HNRNPA2B1: variants seen among roughly 807,000 people sequenced by gnomAD.
HNRNPA2B1 encodes the protein heterogeneous nuclear ribonucleoprotein A2/B1, also known as heterogeneous nuclear ribonucleoproteins A2/B1.
HNRNPA2B1 carries 3 observed loss-of-function variants against 46.3 expected under a neutral mutation model. That is an observed-to-expected ratio of 0.06 (90% CI 0.03 to 0.17). The LOEUF (loss-of-function observed/expected upper bound fraction) is 0.17, where lower values mean the gene tolerates loss of function less well. HNRNPA2B1 is among the 10% of genes least tolerant of loss of function. The pLI is 1.00. For missense variants in HNRNPA2B1, 221 were observed against 418.9 expected, an observed-to-expected ratio of 0.53 and a Z score of 4.12; for synonymous variants, 225 against 133.8, an observed-to-expected ratio of 1.68 and a Z score of -4.70.
intron 1 of HNRNPA2B1, chr7:26,197,983 C>A: frequency 1.8e-6 from 1 of 560,274 alleles, no homozygotes; most frequent in Non-Finnish European, 3.1e-6. Flanking sequence ...GTCATTAATG[C>A]TTGATATAAA....
intron 7 of HNRNPA2B1, 102 bp from the exon 8 acceptor site, chr7:26,193,796 T>C (rs1783175989): frequency 8.9e-6 from 9 of 1,016,392 alleles, no homozygotes; most frequent in Admixed American, 7.3e-5. Context: ...CCATGTGAAA[T>C]ATTTAATGAA....
At chr7:26,195,692 G>A (rs1455320361) in intron 7 of HNRNPA2B1, 155 bp downstream of exon 7, 4 of 755,054 alleles carry the variant, frequency 5.3e-6, no homozygotes, top group Admixed American at 3.3e-5. Context: ...AGCTAAGATG[G>A]CAAAACTACT....
chr7:26,196,703 T>C (rs765966948), intron 4 of HNRNPA2B1, 45 bp from the exon 5 acceptor site: 5 of 1,574,842 alleles, frequency 3.2e-6, no homozygotes, highest in South Asian at 1.1e-5. Flanking sequence ...ATCAACAATA[T>C]TAAGCAGCTT....
chr7:26,197,542 C>G (rs948453303), intron 2 of HNRNPA2B1, 80 bp downstream of exon 2: 1 of 1,562,900 alleles, frequency 6.4e-7, no homozygotes, highest in East Asian at 2.2e-5. Context: ...TTTTACTATG[C>G]TGATAGTTAT....
At chr7:26,192,649 G>T in intron 9 of HNRNPA2B1, 72 bp from the exon 10 acceptor site, 1 of 1,231,802 alleles carries the variant, frequency 8.1e-7, no homozygotes, top group Non-Finnish European at 1.2e-6. Context: ...CACTACAGTT[G>T]ATTCTATTTT....
intron 1 of HNRNPA2B1, 160 bp downstream of exon 1, chr7:26,200,412 C>T: frequency 1.3e-6 from 1 of 760,042 alleles, no homozygotes; most frequent in Non-Finnish European, 2.3e-6. Flanking sequence ...TACGCTCAGG[C>T]CTCCGCTCAA....
intron 1 of HNRNPA2B1, chr7:26,200,141 G>A (rs942630292): frequency 4.8e-6 from 1 of 210,024 alleles, no homozygotes; most frequent in Admixed American, 5.3e-5. Flanking sequence ...GAAAATGGCG[G>A]CCGCCAAATC....
At position 26,200,712 on chromosome 7, in the gene HNRNPA2B1, A is replaced by T. The variant is rs1049026615; in HGVS notation, c.-135T>A. Reference sequence around the variant, plus strand: ...CTGCTCGAGAAACAACTCTGCGAGGAGCACCTCCGCACGGGACCCGGCGCT... The same window carrying T: ...CTGCTCGAGAAACAACTCTGCGAGGTGCACCTCCGCACGGGACCCGGCGCT... On this transcript the variant is annotated 5_prime_UTR_variant, in exon 1 of 11. Transcript: ENST00000618183. 1.7e-4 allele frequency: 189 copies of T among 1,128,486 alleles called. No individual in the cohort carries two copies. Among genetic ancestry groups the T allele is most frequent in the Non-Finnish European group, 2.4e-4 (177 of 749,386 alleles). 69.9% of individuals were successfully genotyped at this position (1,128,486 alleles called of 1,614,324 possible). A position where few individuals can be genotyped will look rare whatever the true frequency, so the allele number is the denominator to read the frequency against.
chr7:26,195,852 G>A lies in HNRNPA2B1; in HGVS notation c.716C>T (p.Pro239Leu). 6.2e-7 allele frequency: 1 copy of A among 1,611,000 alleles called. No homozygotes were observed. The highest frequency in any genetic ancestry group is 8.5e-7 in the Non-Finnish European group (1 of 1,178,942). Residue 239 changes from proline (P) to leucine (L), a missense_variant, in exon 7 of 11, where the codon CCT (proline) becomes CTT (leucine). Coordinates refer to ENST00000618183, the MANE Select transcript of HNRNPA2B1 (RefSeq NM_002137.4). ...AAACGTAGAGGAAAACTGACCTCCA[G>A]GTCCTCCTCCATACCCATTATAGCC... ...GDGYNGYGGG[P>L]GGGNFGGSPG... is the part of the protein sequence containing the mutation.
At chr7:26,192,880 G>A (rs1463102054) in intron 9 of HNRNPA2B1, among the ~76,000 whole-genome samples, 1 of 152,098 alleles carries the variant, frequency 6.6e-6, no homozygotes, top group Non-Finnish European at 1.5e-5. Context: ...TTTACTCCTA[G>A]CTAAAAACCT....
Position 26,197,300 on chromosome 7 carries a change from T to C in HNRNPA2B1, c.264+15A>G, listed in dbSNP as rs755655979. The C allele has an allele frequency of 1.9e-6, 3 of 1,599,242 alleles. No homozygotes were observed. Among genetic ancestry groups the C allele is most frequent in the South Asian group, 1.1e-5 (1 of 89,288 alleles). ...TTCTTCATGTTAATGCACAAGACAG[T>C]CATTGTTTGCTTACCTCTCTTGCTA... On this transcript the variant is annotated intron_variant, in intron 3 of 10. Coordinates refer to ENST00000618183, the MANE Select transcript of HNRNPA2B1 (RefSeq NM_002137.4).
At chr7:26,193,184 C>CT in intron 9 of HNRNPA2B1, 67 bp downstream of exon 9, 14 of 1,446,380 alleles carry the variant, frequency 9.7e-6, no homozygotes, top group Non-Finnish European at 1.2e-5. Flanking sequence ...GTTATCTTCC[C>CT]TTTAAGTCAC....
chr7:26,196,689 T>G, intron 4 of HNRNPA2B1, 31 bp from the exon 5 acceptor site: 4 of 1,590,036 alleles, frequency 2.5e-6, no homozygotes, highest in Non-Finnish European at 3.4e-6. Context: ...TCCTTTTAAA[T>G]TAAATCAACA....
chr7:26,196,438 G>T lies in HNRNPA2B1; in HGVS notation c.621C>A (p.Phe207Leu). 1 of 1,614,116 alleles carries T rather than the reference G, an allele frequency of 6.2e-7. No individual in the cohort carries two copies. The highest frequency in any genetic ancestry group is 8.5e-7 in the Non-Finnish European group (1 of 1,180,004). The stretch of plus-strand genomic sequence containing the variant: ...TAAAGTTACTTCCTGGTCCTGGTCC[G>T]AAATTTCCACCGCCACCACGTGAAT... ...FGDSRGGGGN[F>L]GPGPGSNFRG... The change falls in exon 6 of 11, where the codon TTC becomes TTA. Residue 207 changes from phenylalanine to leucine, a missense_variant. Physicochemically the swap from Phe to Leu is conservative, Grantham distance 22. Coordinates refer to ENST00000618183, the MANE Select transcript of HNRNPA2B1 (RefSeq NM_002137.4).
intron 1 of HNRNPA2B1, 127 bp from the exon 2 acceptor site, chr7:26,197,859 A>G: frequency 6.3e-7 from 1 of 1,595,782 alleles, no homozygotes; most frequent in Non-Finnish European, 8.5e-7. Context: ...AACAGTTTCT[A>G]AAGTTTTCTG....
At chr7:26,197,981 T>C (rs1323458950) in intron 1 of HNRNPA2B1, 1 of 569,174 alleles carries the variant, frequency 1.8e-6, no homozygotes, top group Non-Finnish European at 3.0e-6. Context: ...AAGTCATTAA[T>C]GCTTGATATA....
In HNRNPA2B1 at chr7:26,195,849, C is replaced by G; in HGVS notation, c.719G>C (p.Gly240Ala). ...CCAAAACGTAGAGGAAAACTGACCT[C>G]CAGGTCCTCCTCCATACCCATTATA... ...DGYNGYGGGP[G>A]GGNFGGSPGY... The change falls in exon 7 of 11, where the codon GGA (glycine) becomes GCA (alanine). Residue 240 changes from glycine (G) to alanine (A), a missense_variant and splice_region_variant. By Grantham distance (60) the Gly-to-Ala change is moderately conservative. Transcript: ENST00000618183. 6.2e-7 allele frequency: 1 copy of G among 1,611,094 alleles called. No homozygotes were observed. The highest frequency in any genetic ancestry group is 1.7e-5 in the Admixed American group (1 of 59,246).
At chr7:26,193,865 G>C (rs1216286242) in intron 7 of HNRNPA2B1, among the ~76,000 whole-genome samples, 171 bp from the exon 8 acceptor site, 1 of 152,140 alleles carries the variant, frequency 6.6e-6, no homozygotes, top group Non-Finnish European at 1.5e-5. Context: ...TTTGGTGGCT[G>C]GGGTTACTCA....
At position 26,200,568 on chromosome 7, in the gene HNRNPA2B1, T is replaced by A; in HGVS notation, c.6+4A>T. On this transcript the variant is annotated splice_donor_region_variant and intron_variant, in intron 1 of 10. Coordinates refer to ENST00000618183, the MANE Select transcript of HNRNPA2B1 (RefSeq NM_002137.4). ...CAATAACTCATTGATTTCAAACCCG[T>A]TACCTCCATCGCGGACTCAGTCGCT... 1 of 1,613,414 alleles carries A rather than the reference T, an allele frequency of 6.2e-7. No individual in the cohort carries two copies. The highest frequency in any genetic ancestry group is 8.5e-7 in the Non-Finnish European group (1 of 1,179,972).
Sources: gnomAD v4.1 joint callset for allele counts (sites outside exome capture counted in the v4.1 genomes callset) on GRCh38, gnomAD v4.1.1 for gene constraint, MANE v1.5 for transcripts, NCBI Gene and HGNC (gene_info 2026-07-23, HGNC 2026-07-21) for gene names.